Variants in SNRNP40 observed in about 807,000 individuals in gnomAD.
The protein encoded by SNRNP40 is U5 small nuclear ribonucleoprotein 40 kDa protein.
In SNRNP40, 21 loss-of-function variants were observed where a neutral mutation model predicts 45.8. The observed-to-expected ratio is 0.46, with a 90% CI of 0.32 to 0.66. The LOEUF is 0.66. Ranked by LOEUF, SNRNP40 falls within the 30% of genes least tolerant of loss-of-function variation. The probability of loss-of-function intolerance (pLI) is 0.03; values close to 1 mark genes in which losing one functional copy is unlikely to be tolerated. For missense variants in SNRNP40, 344 were observed against 439.1 expected (o/e 0.78, Z 1.94); for synonymous variants, 142 against 163.8 (o/e 0.87, Z 1.01).
At chr1:31,260,175 T>A in intron 9 of SNRNP40, 54 bp from the exon 10 acceptor site, 1 of 1,298,732 alleles carries the variant, frequency 7.7e-7, no homozygotes, top group Non-Finnish European at 1.1e-6. Context: ...GGAGACTTGG[T>A]GCTCAAGGGC....
intron 8 of SNRNP40, chr1:31,263,454 C>A (rs139887548): frequency 9.0e-4 from 195 of 217,300 alleles, no homozygotes; most frequent in African/African-American, 4.2e-3. Context: ...GCTGGGATGA[C>A]GGGCATGAGC....
Position 31,261,567 on chromosome 1 carries a change from G to C in SNRNP40, c.986C>G (p.Ser329Cys). 1 of 1,614,074 alleles carries C rather than the reference G, an allele frequency of 6.2e-7. No homozygotes were observed. The highest frequency in any genetic ancestry group is 1.1e-5 in the South Asian group (1 of 91,084). Residue 329 changes from serine to cysteine, a missense_variant, in exon 9 of 10, where the codon TCC becomes TGC. Transcript: ENST00000263694. Reference protein sequence around the residue: ...ILYKLPGHAGSINEVAFHPDE... With the variant: ...ILYKLPGHAGCINEVAFHPDE... ...AGGGTGGAAAGCCACTTCATTGATG[G>C]AGCCAGCATGGCCGGGCAGCTTATA...
rs1317648607 is a variant in SNRNP40, at chr1:31,289,268, C to T, written c.517G>A (p.Asp173Asn). 1.9e-6 allele frequency: 3 copies of T among 1,613,868 alleles called. No homozygotes were observed. Among genetic ancestry groups the T allele is most frequent in the Non-Finnish European group, 1.7e-6 (2 of 1,179,898 alleles). Residue 173 changes from aspartate (D) to asparagine (N), a missense_variant, in exon 4 of 10, where the codon GAT (aspartate) becomes AAT (asparagine). Asp to Asn is a conservative substitution (Grantham distance 23). This residue lies in a region of SNRNP40 where 254 missense variants were observed against 380.2 expected (regional missense o/e 0.67). Coordinates refer to ENST00000263694, the MANE Select transcript of SNRNP40 (RefSeq NM_004814.3). Reference sequence around the variant, plus strand: ...ACAATACCCACCTTAACTGTGCCATCGTCACTGCCAGTGCAGACAAGCTGA... The same window carrying T: ...ACAATACCCACCTTAACTGTGCCATTGTCACTGCCAGTGCAGACAAGCTGA... ...GPQLVCTGSD[D>N]GTVKLWDIRK...
In SNRNP40 at chr1:31,293,492, T is replaced by G. The variant is rs1004138039; in HGVS notation, c.142-144A>C. The G allele has an allele frequency of 6.6e-6, 5 of 757,300 alleles. No individual in the cohort carries two copies. The African/African-American group carries it at 8.9e-5, about 13-fold the overall frequency. 46.9% of individuals were successfully genotyped at this position (757,300 alleles called of 1,614,324 possible). Reference sequence around the variant, plus strand: ...ACTTACAGAATGGTAGCTCTTCTCATATGAATGCCTCCAACTTGACACTCT... The same window carrying G: ...ACTTACAGAATGGTAGCTCTTCTCAGATGAATGCCTCCAACTTGACACTCT... On this transcript the variant is annotated intron_variant, in intron 1 of 9. Coordinates refer to ENST00000263694, the MANE Select transcript of SNRNP40 (RefSeq NM_004814.3).
At chr1:31,279,250 A>G (rs1398141917) in intron 5 of SNRNP40, among the ~76,000 whole-genome samples, 1 of 152,204 alleles carries the variant, frequency 6.6e-6, no homozygotes, top group East Asian at 1.9e-4. Context: ...CTTTTAGCTC[A>G]GTTTCCTCAT....
At chr1:31,261,118 A>C in intron 9 of SNRNP40, 1 of 804,774 alleles carries the variant, frequency 1.2e-6, no homozygotes, top group Non-Finnish European at 1.8e-6. Context: ...AGGCGGGTGG[A>C]TTACTGGACG....
chr1:31,263,737 G>A, intron 8 of SNRNP40: 1 of 347,914 alleles, frequency 2.9e-6, no homozygotes, highest in Non-Finnish European at 5.5e-6. Flanking sequence ...GATGTCCTGT[G>A]CTGAAGGTTT....
At chr1:31,263,588 G>A in intron 8 of SNRNP40, 1 of 458,996 alleles carries the variant, frequency 2.2e-6, no homozygotes, top group Non-Finnish European at 4.3e-6. Context: ...AAACTTGAAG[G>A]GCAAGTTGAG....
chr1:31,275,604 G>A (rs1385336796), intron 5 of SNRNP40, among the ~76,000 whole-genome samples: 1 of 152,138 alleles, frequency 6.6e-6, no homozygotes, highest in African/African-American at 2.4e-5. Context: ...TGGCCAGGCT[G>A]GTCTGGAACT....
At chr1:31,282,603 CTATCTATCT>C (rs1646026431) in intron 4 of SNRNP40, 1 of 151,358 alleles carries the variant, frequency 6.6e-6, no homozygotes, top group South Asian at 2.1e-4. Context: ...ATCTATCTAT[CTATCTATCT>C]ATCTTTCTAT....
intron 8 of SNRNP40, among the ~76,000 whole-genome samples, chr1:31,265,912 G>A (rs1317656491): frequency 6.6e-6 from 1 of 152,158 alleles, no homozygotes; most frequent in African/African-American, 2.4e-5. Context: ...ACTTAGGATA[G>A]TTCTTACTAT....
intron 5 of SNRNP40, among the ~76,000 whole-genome samples, chr1:31,274,995 G>A (rs1645965160): frequency 6.6e-6 from 1 of 152,158 alleles, no homozygotes; most frequent in East Asian, 1.9e-4. Context: ...AATATAGTGA[G>A]GCAGTATGGT....
intron 6 of SNRNP40, 171 bp from the exon 7 acceptor site, chr1:31,269,411 G>A (rs1645921969): frequency 7.3e-7 from 1 of 1,368,266 alleles, no homozygotes; most frequent in South Asian, 1.9e-5. Flanking sequence ...TCTTTTTCAA[G>A]CAGGAAAACA....
intron 7 of SNRNP40, 133 bp downstream of exon 7, chr1:31,269,016 TGGCAACAAG>T: frequency 1.4e-6 from 1 of 729,888 alleles, no homozygotes; most frequent in Non-Finnish European, 2.1e-6. Context: ...GTTTTATTTT[TGGCAACAAG>T]TTTTAATTAA....
chr1:31,292,987 A>G (rs1646117628), intron 2 of SNRNP40: 1 of 524,182 alleles, frequency 1.9e-6, no homozygotes, highest in Admixed American at 3.4e-5. Flanking sequence ...TTCTCAAACC[A>G]GAACAACTCA....
chr1:31,293,094 A>G, intron 2 of SNRNP40, 125 bp downstream of exon 2: 1 of 996,750 alleles, frequency 1.0e-6, no homozygotes, highest in Admixed American at 2.3e-5. Context: ...CAATTTTAGC[A>G]TATTAGCCAT....
chr1:31,260,262 A>T, intron 9 of SNRNP40, 141 bp from the exon 10 acceptor site: 1 of 560,016 alleles, frequency 1.8e-6, no homozygotes, highest in East Asian at 3.0e-5. Flanking sequence ...CACCATCCAC[A>T]GGAAATTGTA....
At chr1:31,294,918 G>A (rs1646131175) in intron 1 of SNRNP40, among the ~76,000 whole-genome samples, 1 of 150,660 alleles carries the variant, frequency 6.6e-6, no homozygotes, top group Non-Finnish European at 1.5e-5. Flanking sequence ...CTCCAGCCTG[G>A]GTGACAAGAG....
rs1475766052 is a variant in SNRNP40, at chr1:31,259,690, T to C, written c.*382A>G. On this transcript the variant is annotated 3_prime_UTR_variant, in exon 10 of 10. Coordinates refer to ENST00000263694, the MANE Select transcript of SNRNP40 (RefSeq NM_004814.3). ...CACATGGCTCTTGTAAAAAGGCATCTATTTGGCTTTTAATACAAAATGATA... is the reference window on the plus strand; with the variant it reads ...CACATGGCTCTTGTAAAAAGGCATCCATTTGGCTTTTAATACAAAATGATA... 2.3e-6 allele frequency: 1 copy of C among 429,714 alleles called. No individual in the cohort carries two copies. 26.6% of individuals were successfully genotyped at this position (429,714 alleles called of 1,614,324 possible). A position where few individuals can be genotyped will look rare whatever the true frequency, so the allele number is the denominator to read the frequency against.
Sources: gnomAD v4.1 joint callset for allele counts (sites outside exome capture counted in the v4.1 genomes callset) on GRCh38, gnomAD v4.1.1 for gene constraint, gnomAD v4.1.1 regional missense constraint, MANE v1.5 for transcripts, NCBI Gene and HGNC (gene_info 2026-07-23, HGNC 2026-07-21) for gene names.